The following AGMO variants were observed in gnomAD, a reference collection of about 807,000 sequenced individuals.
AGMO encodes the protein alkylglycerol monooxygenase.
Under a neutral mutation model 60.2 loss-of-function variants are expected in AGMO, and 75 were observed. That is an observed-to-expected ratio of 1.25 (90% CI 1.03 to 1.51). The LOEUF (loss-of-function observed/expected upper bound fraction) is 1.51, where lower values mean the gene tolerates loss of function less well. Ranked by LOEUF, AGMO falls within the 40% of genes most tolerant of loss-of-function variation. AGMO has a pLI of 0.00. For missense variants in AGMO, 763 were observed against 525.5 expected, an observed-to-expected ratio of 1.45 and a Z score of -4.42; for synonymous variants, 261 against 177.1, an observed-to-expected ratio of 1.47 and a Z score of -3.76.
chr7:15,347,571 T>C (rs561827606), intron 12 of AGMO, among the ~76,000 whole-genome samples: 3 of 151,850 alleles, frequency 2.0e-5, no homozygotes, highest in Admixed American at 6.6e-5. Flanking sequence ...TAGAAGATAA[T>C]TCATGACTCA....
chr7:15,178,557 T>C, the AGMO span, among the ~76,000 whole-genome samples: 17 of 152,114 alleles, frequency 1.1e-4, no homozygotes, highest in Non-Finnish European at 1.9e-4. Flanking sequence ...CTGCTTTTTT[T>C]CCTCTATCTG....
intron 5 of AGMO, among the ~76,000 whole-genome samples, chr7:15,394,411 C>A (rs1013168030): frequency 6.6e-6 from 1 of 152,158 alleles, no homozygotes; most frequent in African/African-American, 2.4e-5. Context: ...TGGTTAAGAG[C>A]TAGACGACTT....
At chr7:15,555,286 TATATATACACACACACACACAC>T (rs923037414) in intron 2 of AGMO, among the ~76,000 whole-genome samples, 3 of 100,394 alleles carry the variant, frequency 3.0e-5, no homozygotes, top group African/African-American at 2.0e-4. Context: ...TATATATATA[TATATATACACACACACACACAC>T]ACACACACAC....
chr7:15,475,170 G>C (rs1782560861), intron 3 of AGMO, among the ~76,000 whole-genome samples: 1 of 152,034 alleles, frequency 6.6e-6, no homozygotes, highest in Non-Finnish European at 1.5e-5. Context: ...AATACCTTTT[G>C]TCCAAGGAAT....
intron 12 of AGMO, among the ~76,000 whole-genome samples, chr7:15,355,767 T>A (rs1782508512): frequency 6.6e-6 from 1 of 152,082 alleles, no homozygotes; most frequent in Admixed American, 6.5e-5. Context: ...TATATGGAAT[T>A]ATTCTGTGGA....
chr7:15,353,906 T>G (rs1183932838), intron 12 of AGMO, among the ~76,000 whole-genome samples: 1 of 152,162 alleles, frequency 6.6e-6, no homozygotes, highest in African/African-American at 2.4e-5. Context: ...CATAGAAAAC[T>G]ATCATGTATT....
intron 4 of AGMO, 106 bp downstream of exon 4, chr7:15,430,899 A>C: frequency 1.5e-6 from 1 of 650,462 alleles, no homozygotes; most frequent in Non-Finnish European, 2.5e-6. Context: ...GAAGCATTTT[A>C]GTAAAACACC....
intron 12 of AGMO, among the ~76,000 whole-genome samples, chr7:15,223,994 TATG>T (rs1282784273): frequency 3.3e-5 from 5 of 152,050 alleles, no homozygotes; most frequent in African/African-American, 1.2e-4. Flanking sequence ...AAAATTCTAT[TATG>T]ATGAACCTCT....
the AGMO span, among the ~76,000 whole-genome samples, chr7:15,177,179 G>A: frequency 6.6e-6 from 1 of 152,072 alleles, no homozygotes; most frequent in Admixed American, 6.5e-5. Flanking sequence ...AAATTAAAGG[G>A]CATAGCTACA....
chr7:15,395,151 C>CA (rs1784320061), intron 5 of AGMO, among the ~76,000 whole-genome samples: 1 of 152,130 alleles, frequency 6.6e-6, no homozygotes, highest in South Asian at 2.1e-4. Flanking sequence ...CTACCAATGA[C>CA]AAAATCAATA....
chr7:15,344,412 A>G (rs1162951253), intron 12 of AGMO, among the ~76,000 whole-genome samples: 1 of 152,148 alleles, frequency 6.6e-6, no homozygotes, highest in Non-Finnish European at 1.5e-5. Flanking sequence ...TAAAATCTGG[A>G]TGCTAGGCCA....
At chr7:15,558,365 G>A (rs1239568418) in intron 2 of AGMO, among the ~76,000 whole-genome samples, 1 of 151,852 alleles carries the variant, frequency 6.6e-6, no homozygotes, top group African/African-American at 2.4e-5. Flanking sequence ...TCAGTTATTG[G>A]GTGACGTTTA....
chr7:15,509,376 A>AT (rs1167535315), intron 3 of AGMO, among the ~76,000 whole-genome samples: 1 of 151,674 alleles, frequency 6.6e-6, no homozygotes, highest in Admixed American at 6.6e-5. Context: ...ACATGCAAAA[A>AT]AAAAAATAAA....
chr7:15,406,077 G>C (rs1016386510), intron 5 of AGMO, among the ~76,000 whole-genome samples: 5 of 151,680 alleles, frequency 3.3e-5, no homozygotes, highest in African/African-American at 1.2e-4. Context: ...AGGTAGCTCA[G>C]TAAAACTCTT....
intron 12 of AGMO, among the ~76,000 whole-genome samples, chr7:15,283,158 G>A (rs1469040275): frequency 2.0e-5 from 3 of 151,926 alleles, no homozygotes; most frequent in Non-Finnish European, 4.4e-5. Flanking sequence ...AACTCACAGG[G>A]CCCATAAAAC....
chr7:15,206,825 GT>G (rs1333729125), intron 12 of AGMO, among the ~76,000 whole-genome samples: 33 of 152,026 alleles, frequency 2.2e-4, no homozygotes, highest in African/African-American at 8.0e-4. Flanking sequence ...TTAAAACAGA[GT>G]TTTCACTGCT....
At chr7:15,277,400 G>C (rs920307322) in intron 12 of AGMO, among the ~76,000 whole-genome samples, 1 of 152,082 alleles carries the variant, frequency 6.6e-6, no homozygotes. Context: ...TCTATTACTA[G>C]AGAGCTATTC....
rs767404582 is a variant in AGMO, at chr7:15,418,618, AG to A, written c.548del (p.Pro183LeufsTer31). ...FYSPLALFIPPSVYAVHLQFN... is the reference protein window; with the variant it reads ...FYSPLALFIPXSVYAVHLQFN... ...ATTGAAGATGAACAGCATATACTGAAGGGGGTATGAAGAGGGCCAGGGGAGA... is the reference window on the plus strand; with the variant it reads ...ATTGAAGATGAACAGCATATACTGAAGGGGTATGAAGAGGGCCAGGGGAGA... On this transcript the variant is annotated frameshift_variant, in exon 5 of 13. Coordinates refer to ENST00000342526, the MANE Select transcript of AGMO (RefSeq NM_001004320.2). LOFTEE classifies it high-confidence loss of function. The A allele has an allele frequency of 2.5e-6, 4 of 1,582,180 alleles. No homozygotes were observed. The highest frequency in any genetic ancestry group is 1.9e-5 in the Admixed American group (1 of 51,928).
chr7:15,134,666 G>A, the AGMO span, among the ~76,000 whole-genome samples: 2 of 152,102 alleles, frequency 1.3e-5, no homozygotes, highest in Admixed American at 6.6e-5. Flanking sequence ...GTATCCCATG[G>A]TTATATGTAC....
Sources: allele counts gnomAD v4.1 joint callset (sites outside exome capture counted in the v4.1 genomes callset), GRCh38; gene constraint gnomAD v4.1.1; transcripts MANE v1.5; gene names NCBI Gene and HGNC (gene_info 2026-07-23, HGNC 2026-07-21).